The following DYTN variants were observed in gnomAD, a reference collection of about 807,000 sequenced individuals.
DYTN encodes the protein dystrotelin.
Under a neutral mutation model 69.6 loss-of-function variants are expected in DYTN, and 75 were observed. That is an observed-to-expected ratio of 1.08 (90% confidence interval 0.89 to 1.31). The LOEUF (loss-of-function observed/expected upper bound fraction) is 1.31, where lower values mean the gene tolerates loss of function less well. Ranked by LOEUF, DYTN falls within the 50% of genes most tolerant of loss-of-function variation. The pLI, the probability that DYTN is intolerant of heterozygous loss-of-function variation, is 0.00. For missense variants in DYTN, 726 were observed against 688.4 expected, an observed-to-expected ratio of 1.05 and a Z score of -0.61; for synonymous variants, 252 against 249.1, an observed-to-expected ratio of 1.01 and a Z score of -0.11.
intron 9 of DYTN, among the ~76,000 whole-genome samples, chr2:206,673,874 T>C (rs1699654487): frequency 2.0e-5 from 3 of 152,236 alleles, no homozygotes; most frequent in South Asian, 4.1e-4. Flanking sequence ...AAAATTCATG[T>C]TGCTCAGCCA....
In DYTN at chr2:206,694,836, A is replaced by G; in HGVS notation, c.761T>C (p.Met254Thr). ...GCTGTGAAGACCAGATAAGAAACAC[A>G]TCTGGCAGATGTCAAAGTTGAGACA... ...LKCLNFDICQ[M>T]CFLSGLHSKS... The change falls in exon 8 of 12, where the codon ATG becomes ACG. Residue 254 changes from methionine (M) to threonine (T), a missense_variant. Transcript: ENST00000452335. The G allele has an allele frequency of 6.2e-7, 1 of 1,611,472 alleles. No homozygotes were observed. The highest frequency in any genetic ancestry group is 8.5e-7 in the Non-Finnish European group (1 of 1,179,134).
At chr2:206,689,272 C>T (rs879401890) in intron 9 of DYTN, among the ~76,000 whole-genome samples, 2 of 152,144 alleles carry the variant, frequency 1.3e-5, no homozygotes, top group African/African-American at 2.4e-5. Context: ...AATCATTGAA[C>T]GAATTCAATA....
Position 206,704,928 on chromosome 2 carries a change from T to A in DYTN, c.398A>T (p.Tyr133Phe). The A allele has an allele frequency of 6.2e-7, 1 of 1,613,624 alleles. No homozygotes were observed. Among genetic ancestry groups the A allele is most frequent in the Non-Finnish European group, 8.5e-7 (1 of 1,179,740 alleles). ...ATAGCCTCCCCTGCTATTTTCTGCA[T>A]AGAGTTGAAAAAGAGCTAGACATGT... ...LSKYRALFQL[Y>F]AENSRGGYDS... is the part of the protein sequence containing the mutation. The change falls in exon 5 of 12, where the codon TAT becomes TTT. Residue 133 changes from tyrosine (Y) to phenylalanine (F), a missense_variant. Transcript: ENST00000452335.
At chr2:206,712,895 A>C (rs778801234) in intron 1 of DYTN, among the ~76,000 whole-genome samples, 13 of 152,222 alleles carry the variant, frequency 8.5e-5, no homozygotes, top group Non-Finnish European at 1.8e-4. Flanking sequence ...CTCTTGGTTC[A>C]AGTTATCAGG....
At chr2:206,670,855 G>T (rs77405454) in intron 9 of DYTN, among the ~76,000 whole-genome samples, 1,846 of 152,238 alleles carry the variant, frequency 0.012, 42 homozygotes, top group African/African-American at 0.042. Context: ...CTTCCCCAAA[G>T]GCATCTACAG....
At chr2:206,710,704 G>A in intron 1 of DYTN, 106 bp from the exon 2 acceptor site, 2 of 897,540 alleles carry the variant, frequency 2.2e-6, no homozygotes, top group African/African-American at 1.7e-5. Flanking sequence ...TTATTTTGCA[G>A]GTGAGGAAAT....
At chr2:206,661,467 A>G (rs1699510939) in intron 11 of DYTN, among the ~76,000 whole-genome samples, 2 of 152,120 alleles carry the variant, frequency 1.3e-5, no homozygotes, top group Non-Finnish European at 2.9e-5. Context: ...TTTGAACTGT[A>G]TGGGTTCAAG....
intron 4 of DYTN, among the ~76,000 whole-genome samples, chr2:206,705,190 G>A (rs1332158168): frequency 2.0e-5 from 3 of 152,296 alleles, no homozygotes; most frequent in African/African-American, 2.4e-5. Flanking sequence ...TCCACCTCCC[G>A]GATTCAAGCG....
In DYTN at chr2:206,694,875, T is replaced by C. The variant is rs16838593; in HGVS notation, c.722A>G (p.Tyr241Cys). Residue 241 changes from tyrosine to cysteine, a missense_variant and splice_region_variant, in exon 8 of 12, where the codon TAC (tyrosine) becomes TGC (cysteine). Transcript: ENST00000452335. ...AAAGTTGAGACACTTCAGACAGCGGTATCTGCCAGTTAAAATAGAAGCACA... is the reference window on the plus strand; with the variant it reads ...AAAGTTGAGACACTTCAGACAGCGGCATCTGCCAGTTAAAATAGAAGCACA... ...CRTFPITGLR[Y>C]RCLKCLNFDI... 0.012 allele frequency: 18,916 copies of C among 1,580,120 alleles called. 1,946 individuals carry two copies. The African/African-American group carries it at 0.23, about 19-fold the overall frequency.
At position 206,703,528 on chromosome 2, in the gene DYTN, A is replaced by T. The variant is rs140288006; in HGVS notation, c.483+1315T>A. 4.6e-3 allele frequency among the ~76,000 whole-genome samples: 695 copies of T among 152,276 alleles called. 5 individuals are homozygous for T. Among genetic ancestry groups the T allele is most frequent in the African/African-American group, 0.016 (672 of 41,550 alleles). On this transcript the variant is annotated intron_variant, in intron 5 of 11. Coordinates refer to ENST00000452335, the MANE Select transcript of DYTN (RefSeq NM_001093730.1). The stretch of plus-strand genomic sequence containing the variant: ...TAACCTTATAAATAAAAAAAAAATC[A>T]TTGCTCCATTTAAGAAATATATAAA...
intron 9 of DYTN, among the ~76,000 whole-genome samples, chr2:206,683,789 G>A (rs1344184348): frequency 6.6e-6 from 1 of 152,006 alleles, no homozygotes; most frequent in East Asian, 1.9e-4. Context: ...ACTTGGTGCT[G>A]GCTGTCTCCT....
At chr2:206,690,956 A>G (rs1699856093) in intron 9 of DYTN, among the ~76,000 whole-genome samples, 1 of 152,160 alleles carries the variant, frequency 6.6e-6, no homozygotes, top group African/African-American at 2.4e-5. Flanking sequence ...TCACGTTACA[A>G]CTTTTCATTT....
chr2:206,683,339 C>CTTT (rs10531348), intron 9 of DYTN, among the ~76,000 whole-genome samples: 2,441 of 111,848 alleles, frequency 0.022, 57 homozygotes, highest in Non-Finnish European at 0.035. Flanking sequence ...TTTACTTTTT[C>CTTT]TTTTTTTTTT....
intron 9 of DYTN, among the ~76,000 whole-genome samples, chr2:206,676,386 C>T (rs1041550322): frequency 4.0e-5 from 6 of 151,772 alleles, no homozygotes; most frequent in African/African-American, 1.5e-4. Flanking sequence ...AATGAGAACA[C>T]ATGGACACAG....
intron 9 of DYTN, among the ~76,000 whole-genome samples, chr2:206,670,175 A>G (rs1370154546): frequency 1.3e-5 from 2 of 152,250 alleles, no homozygotes; most frequent in Non-Finnish European, 2.9e-5. Flanking sequence ...AAGGTAAAAC[A>G]CATACATAAC....
Position 206,677,411 on chromosome 2 carries a change from T to C in DYTN, c.981-11382A>G, listed in dbSNP as rs1258107074. Among the ~76,000 whole-genome samples the C allele has an allele frequency of 5.9e-5, 9 of 151,478 alleles. No individual in the cohort carries two copies. The East Asian group carries it at 1.5e-3, about 26-fold the overall frequency. On this transcript the variant is annotated intron_variant, in intron 9 of 11. Transcript: ENST00000452335. The stretch of plus-strand genomic sequence containing the variant: ...ATGAAAAGCAACTGAGCTGAATAGA[T>C]AGCATTAAAACACATTCTAAAATGA...
intron 5 of DYTN, chr2:206,701,222 C>A (rs1465252154): frequency 6.6e-6 from 1 of 152,312 alleles, no homozygotes; most frequent in African/African-American, 2.4e-5. Context: ...CAAACACTTT[C>A]ATATCACATC....
At chr2:206,712,449 GA>G (rs1700086203) in intron 1 of DYTN, among the ~76,000 whole-genome samples, 1 of 152,124 alleles carries the variant, frequency 6.6e-6, no homozygotes, top group Non-Finnish European at 1.5e-5. Context: ...CATACAACCA[GA>G]CAACTTTTTC....
At chr2:206,659,484 C>CAAAGA (rs1559304127) in intron 11 of DYTN, among the ~76,000 whole-genome samples, 1 of 64,592 alleles carries the variant, frequency 1.5e-5, no homozygotes, top group Non-Finnish European at 3.0e-5. Flanking sequence ...CAACAATTCT[C>CAAAGA]AAAAAAAAAA....
Sources: allele counts gnomAD v4.1 joint callset (sites outside exome capture counted in the v4.1 genomes callset), GRCh38; gene constraint gnomAD v4.1.1; transcripts MANE v1.5; gene names NCBI Gene and HGNC (gene_info 2026-07-23, HGNC 2026-07-21).